Variants in SLC25A26 observed in about 807,000 individuals in gnomAD.
SLC25A26 encodes mitochondrial S-adenosylmethionine carrier protein.
A neutral mutation model predicts 37.8 loss-of-function variants in SLC25A26; 36 were observed. That is an observed-to-expected ratio of 0.95 (90% CI 0.73 to 1.26). SLC25A26 has a LOEUF of 1.26. SLC25A26 is among the 50% of genes most tolerant of loss of function. The pLI is 0.00. For missense variants in SLC25A26, 390 were observed against 331.1 expected (o/e 1.18, Z -1.38); for synonymous variants, 129 against 122.5 (o/e 1.05, Z -0.35).
intron 1 of SLC25A26, among the ~76,000 whole-genome samples, chr3:66,211,160 CT>C (rs2071279865): frequency 6.6e-6 from 1 of 152,170 alleles, no homozygotes; most frequent in Non-Finnish European, 1.5e-5. Flanking sequence ...GATCCTTGAA[CT>C]CTAAGAGGGG....
intron 5 of SLC25A26, among the ~76,000 whole-genome samples, chr3:66,283,211 A>G (rs1393370525): frequency 6.6e-6 from 1 of 152,198 alleles, no homozygotes; most frequent in Non-Finnish European, 1.5e-5. Flanking sequence ...TAGGGTAGAA[A>G]TGCAGGAATG....
chr3:66,355,125 C>T (rs937382278), intron 6 of SLC25A26, among the ~76,000 whole-genome samples: 54 of 152,244 alleles, frequency 3.5e-4, no homozygotes, highest in African/African-American at 1.1e-3. Flanking sequence ...AAAAATATCA[C>T]TGTATAAACT....
Position 66,378,696 on chromosome 3 carries a change from C to T in SLC25A26, c.*889C>T, listed in dbSNP as rs1201678047. The T allele has an allele frequency of 6.6e-6, 1 of 152,478 alleles. No individual in the cohort carries two copies. The highest frequency in any genetic ancestry group is 1.5e-5 in the Non-Finnish European group (1 of 68,018). 9.4% of individuals were successfully genotyped at this position (152,478 alleles called of 1,614,324 possible). A position where few individuals can be genotyped will look rare whatever the true frequency, so the allele number is the denominator to read the frequency against. ...TGTTGTCTGCCCTGGAGCAAACAAA[C>T]AGTATGTGATTTTGCTTCGCCTATT... is the stretch of plus-strand genomic sequence containing the variant. On this transcript the variant is annotated 3_prime_UTR_variant, in exon 10 of 10. Transcript: ENST00000354883.
intron 5 of SLC25A26, among the ~76,000 whole-genome samples, chr3:66,309,441 C>CA (rs2075315231): frequency 6.6e-6 from 1 of 151,782 alleles, no homozygotes; most frequent in Admixed American, 6.6e-5. Context: ...TTAATCTTTT[C>CA]AAAAAACCAG....
At chr3:66,257,931 C>G (rs138797364) in intron 3 of SLC25A26, among the ~76,000 whole-genome samples, 2 of 152,212 alleles carry the variant, frequency 1.3e-5, no homozygotes, top group African/African-American at 4.8e-5. Context: ...TGATGCGTTG[C>G]TCTGCCAGTC....
chr3:66,255,747 T>C (rs1576726373), intron 3 of SLC25A26, among the ~76,000 whole-genome samples: 1 of 152,298 alleles, frequency 6.6e-6, no homozygotes, highest in East Asian at 1.9e-4. Flanking sequence ...TGAAATACTT[T>C]GTTGTAGCTC....
intron 1 of SLC25A26, among the ~76,000 whole-genome samples, chr3:66,214,244 A>T (rs1463113468): frequency 6.6e-6 from 1 of 152,054 alleles, no homozygotes; most frequent in Non-Finnish European, 1.5e-5. Flanking sequence ...CTCTCTCACC[A>T]TGTGACATGC....
rs2074980143 is a variant in SLC25A26, at chr3:66,298,655, A to G, written c.453+35276A>G. 2.0e-5 allele frequency among the ~76,000 whole-genome samples: 3 copies of G among 152,196 alleles called. No homozygotes were observed. In the South Asian group the frequency reaches 6.2e-4, roughly 32 times the overall value. On this transcript the variant is annotated intron_variant, in intron 5 of 9. Coordinates refer to ENST00000354883, the MANE Select transcript of SLC25A26 (RefSeq NM_001379210.1). ...CCCATTTTAAGTGACATCAGTGTTGAATTGACTTTTTCCTCAGTGCTAAAA... is the reference window on the plus strand; with the variant it reads ...CCCATTTTAAGTGACATCAGTGTTGGATTGACTTTTTCCTCAGTGCTAAAA...
At chr3:66,172,859 G>A (rs187320171) in intron 1 of SLC25A26, among the ~76,000 whole-genome samples, 1 of 152,152 alleles carries the variant, frequency 6.6e-6, no homozygotes, top group East Asian at 1.9e-4. Flanking sequence ...CCCTTTTTAT[G>A]AGGACACCAG....
intron 1 of SLC25A26, among the ~76,000 whole-genome samples, chr3:66,164,177 AT>A (rs965841242): frequency 6.6e-6 from 1 of 152,228 alleles, no homozygotes; most frequent in African/African-American, 2.4e-5. Flanking sequence ...AGCATATATC[AT>A]TTAGAATTTT....
intron 1 of SLC25A26, among the ~76,000 whole-genome samples, chr3:66,200,843 T>C (rs2071099331): frequency 6.6e-6 from 1 of 152,198 alleles, no homozygotes; most frequent in South Asian, 2.1e-4. Context: ...TTTTCATTGG[T>C]AACTGCTTCC....
intron 1 of SLC25A26, among the ~76,000 whole-genome samples, chr3:66,225,456 C>A (rs1275850068): frequency 6.6e-6 from 1 of 152,148 alleles, no homozygotes; most frequent in Non-Finnish European, 1.5e-5. Context: ...TGAGGCTGCA[C>A]ACAGCAAGGG....
intron 6 of SLC25A26, among the ~76,000 whole-genome samples, chr3:66,350,979 C>T (rs1405378389): frequency 3.3e-5 from 5 of 152,076 alleles, no homozygotes; most frequent in Non-Finnish European, 4.4e-5. Context: ...TTTAATCACC[C>T]ACCATATTGT....
intron 6 of SLC25A26, among the ~76,000 whole-genome samples, chr3:66,355,414 C>G (rs1316932732): frequency 1.3e-5 from 2 of 152,060 alleles, no homozygotes; most frequent in South Asian, 2.1e-4. Context: ...GCCTTTATAA[C>G]CCAAGTCAGC....
upstream of SLC25A26, among the ~76,000 whole-genome samples, chr3:66,218,867 C>T (rs2071400153): frequency 1.3e-5 from 2 of 152,162 alleles, no homozygotes; most frequent in South Asian, 2.1e-4. Flanking sequence ...ATCCTGCGGT[C>T]ATGATCAAGT....
intron 5 of SLC25A26, among the ~76,000 whole-genome samples, chr3:66,287,290 C>T (rs1286024868): frequency 4.1e-5 from 6 of 147,700 alleles, no homozygotes; most frequent in South Asian, 2.1e-4. Context: ...AGCGAGACTC[C>T]GTCTCAAAAA....
intron 1 of SLC25A26, among the ~76,000 whole-genome samples, chr3:66,167,919 C>T (rs1023142211): frequency 4.0e-5 from 6 of 151,834 alleles, no homozygotes; most frequent in Admixed American, 6.6e-5. Context: ...TTTGGGAGGC[C>T]GAGGCGGGCG....
At chr3:66,171,993 C>T (rs1437592765) in intron 1 of SLC25A26, among the ~76,000 whole-genome samples, 3 of 152,148 alleles carry the variant, frequency 2.0e-5, no homozygotes. Flanking sequence ...TCAACCTTTC[C>T]TAGGTGACAC....
intron 1 of SLC25A26, among the ~76,000 whole-genome samples, chr3:66,147,834 C>T (rs139701830): frequency 0.02 from 3,034 of 152,282 alleles, 44 homozygotes; most frequent in Non-Finnish European, 0.032. Context: ...TCTCAGTTCA[C>T]TGCAACCTCC....
Sources: allele counts gnomAD v4.1 joint callset (sites outside exome capture counted in the v4.1 genomes callset), GRCh38; gene constraint gnomAD v4.1.1; transcripts MANE v1.5; gene names NCBI Gene and HGNC (gene_info 2026-07-23, HGNC 2026-07-21).